The following DLGAP2 variants were observed in gnomAD, a reference collection of about 807,000 sequenced individuals.
DLGAP2 encodes disks large-associated protein 2.
In DLGAP2, 26 loss-of-function variants were observed where a neutral mutation model predicts 100.3. The observed-to-expected ratio is 0.26, with a 90% confidence interval of 0.19 to 0.36. DLGAP2 has a LOEUF of 0.36. Ranked by LOEUF, DLGAP2 falls within the 10% of genes least tolerant of loss-of-function variation. The pLI is 1.00. For missense variants in DLGAP2, 1,858 were observed against 1,453.2 expected (o/e 1.28, Z -4.53); for synonymous variants, 886 against 630.1 (o/e 1.41, Z -6.08).
chr8:1,307,773 G>T (rs1252581761), intron 3 of DLGAP2, among the ~76,000 whole-genome samples: 1 of 152,180 alleles, frequency 6.6e-6, no homozygotes, highest in African/African-American at 2.4e-5. Flanking sequence ...GTCACAAAAG[G>T]AGAGTGACTG....
chr8:1,046,920 A>C (rs1221580701), intron 2 of DLGAP2, among the ~76,000 whole-genome samples: 1 of 151,188 alleles, frequency 6.6e-6, no homozygotes, highest in Non-Finnish European at 1.5e-5. Context: ...GTTTGAAAGG[A>C]CTGAAATGCA....
At chr8:1,237,087 C>A in intron 2 of DLGAP2, among the ~76,000 whole-genome samples, 1 of 136,358 alleles carries the variant, frequency 7.3e-6, no homozygotes, top group South Asian at 2.4e-4. Context: ...GGCGCCGTGT[C>A]TAGTTCTCTC....
chr8:1,459,013 C>T (rs995108122), intron 3 of DLGAP2, among the ~76,000 whole-genome samples: 18 of 151,410 alleles, frequency 1.2e-4, no homozygotes, highest in African/African-American at 3.7e-4. Context: ...GACCAGCATG[C>T]GTCCCAGACA....
intron 6 of DLGAP2, among the ~76,000 whole-genome samples, chr8:1,593,251 G>C (rs1796344122): frequency 6.6e-6 from 1 of 152,124 alleles, no homozygotes. Context: ...TCAGGAGATT[G>C]AGACCATCCT....
At chr8:1,157,599 T>G (rs1311263434) in intron 2 of DLGAP2, among the ~76,000 whole-genome samples, 1 of 152,124 alleles carries the variant, frequency 6.6e-6, no homozygotes, top group Admixed American at 6.5e-5. Flanking sequence ...ACGGTGGCGC[T>G]GTGTTTGTTC....
At chr8:800,796 T>C (rs1796135745) in intron 1 of DLGAP2, among the ~76,000 whole-genome samples, 1 of 152,096 alleles carries the variant, frequency 6.6e-6, no homozygotes, top group East Asian at 1.9e-4. Flanking sequence ...AGAGTGGGGT[T>C]GTGCAGGCAG....
At chr8:1,380,006 G>A (rs933473312) in intron 3 of DLGAP2, among the ~76,000 whole-genome samples, 6 of 151,950 alleles carry the variant, frequency 3.9e-5, no homozygotes, top group East Asian at 1.9e-4. Context: ...TTCTGAGCCC[G>A]GCTCCATCCC....
intron 3 of DLGAP2, among the ~76,000 whole-genome samples, chr8:1,383,759 G>C (rs1170666143): frequency 2.0e-5 from 3 of 152,188 alleles, no homozygotes; most frequent in Admixed American, 2.0e-4. Context: ...ATATTAACTT[G>C]ACATTAACAA....
chr8:1,306,696 G>C (rs1213580489), intron 3 of DLGAP2, among the ~76,000 whole-genome samples: 1 of 152,090 alleles, frequency 6.6e-6, no homozygotes, highest in Non-Finnish European at 1.5e-5. Flanking sequence ...CATAATCACA[G>C]ACATCTAGAC....
intron 3 of DLGAP2, among the ~76,000 whole-genome samples, chr8:1,431,687 C>T (rs1026139155): frequency 2.0e-5 from 3 of 152,220 alleles, no homozygotes; most frequent in African/African-American, 4.8e-5. Flanking sequence ...AGTCCGACTG[C>T]GGAGTGGAGG....
intron 2 of DLGAP2, among the ~76,000 whole-genome samples, chr8:1,080,697 T>A (rs576155194): frequency 6.6e-6 from 1 of 152,286 alleles, no homozygotes; most frequent in African/African-American, 2.4e-5. Context: ...GTTGAACAGG[T>A]GCTTGTTCAG....
intron 3 of DLGAP2, among the ~76,000 whole-genome samples, chr8:1,492,312 G>T (rs182588530): frequency 3.3e-5 from 5 of 152,304 alleles, no homozygotes; most frequent in African/African-American, 1.2e-4. Context: ...TTGTCCTAAC[G>T]GAGCAGAAAT....
chr8:1,510,366 A>C (rs1800118203), intron 4 of DLGAP2, among the ~76,000 whole-genome samples: 1 of 152,216 alleles, frequency 6.6e-6, no homozygotes, highest in Non-Finnish European at 1.5e-5. Flanking sequence ...TCAGGCTTCC[A>C]GAGGAACTCT....
intron 10 of DLGAP2, among the ~76,000 whole-genome samples, chr8:1,676,263 A>G (rs1414991315): frequency 1.3e-5 from 2 of 152,178 alleles, no homozygotes; most frequent in African/African-American, 4.8e-5. Flanking sequence ...GCCTGAGCTG[A>G]ACTAAGCAGT....
chr8:1,145,905 T>C (rs1796598058), intron 2 of DLGAP2, among the ~76,000 whole-genome samples: 1 of 151,590 alleles, frequency 6.6e-6, no homozygotes, highest in South Asian at 2.1e-4. Flanking sequence ...AGAATGATGA[T>C]TTCCAATTTC....
intron 2 of DLGAP2, among the ~76,000 whole-genome samples, chr8:1,180,507 G>C (rs4548203): frequency 0.57 from 86,684 of 152,154 alleles, 25,120 homozygotes; most frequent in Admixed American, 0.66. Flanking sequence ...AGTCTTCTGT[G>C]TTGCATCACC....
At chr8:959,867 T>G (rs1799682620) in intron 2 of DLGAP2, among the ~76,000 whole-genome samples, 1 of 152,104 alleles carries the variant, frequency 6.6e-6, no homozygotes, top group South Asian at 2.1e-4. Context: ...ATAAAATGAG[T>G]TTTATTTAAC....
chr8:1,672,109 A>G (rs917810452), intron 10 of DLGAP2, among the ~76,000 whole-genome samples: 1 of 152,224 alleles, frequency 6.6e-6, no homozygotes, highest in African/African-American at 2.4e-5. Context: ...GCTCCCAGAT[A>G]CTGCGGTTAG....
chr8:987,511 A>G (rs935526875), intron 2 of DLGAP2, among the ~76,000 whole-genome samples: 3 of 151,910 alleles, frequency 2.0e-5, no homozygotes, highest in Non-Finnish European at 4.4e-5. Context: ...CGCCCCCACG[A>G]CCTTCCCTTG....
Sources: allele counts gnomAD v4.1 joint callset (sites outside exome capture counted in the v4.1 genomes callset), GRCh38; gene constraint gnomAD v4.1.1; transcripts MANE v1.5; gene names NCBI Gene and HGNC (gene_info 2026-07-23, HGNC 2026-07-21).